The following SIGLEC9 variants were observed in gnomAD, a reference collection of about 807,000 sequenced individuals.
The protein encoded by SIGLEC9 is sialic acid binding Ig like lectin 9.
In SIGLEC9, 26 loss-of-function variants were observed where a neutral mutation model predicts 38.3. The ratio of observed to expected loss-of-function variants is 0.68; its 90% CI spans 0.50 to 0.94. SIGLEC9 has a LOEUF of 0.94. SIGLEC9 is among the 40% of genes least tolerant of loss of function. SIGLEC9 has a pLI of 0.00. For missense variants in SIGLEC9, 556 were observed against 585.7 expected, an observed-to-expected ratio of 0.95 and a Z score of 0.52; for synonymous variants, 236 against 248.0, an observed-to-expected ratio of 0.95 and a Z score of 0.45.
At position 51,128,435 on chromosome 19, in the gene SIGLEC9, A is replaced by G. The variant is rs2091992866; in HGVS notation, c.1128A>G (p.Lys376=). ...TCAGAGTGAGGTCCTGCAGGAAGAA[A>G]TCGGCAAGGCCAGCAGCGGGCGTGG... is the stretch of plus-strand genomic sequence containing the variant. ...IFVVVRSCRK[K]SARPAAGVGD... is the part of the protein sequence containing the mutation. The change falls in exon 6 of 7, where the codon AAA becomes AAG. Residue 376 remains lysine, a synonymous_variant. Transcript: ENST00000250360. The G allele has an allele frequency of 1.9e-6, 3 of 1,613,958 alleles. No individual in the cohort carries two copies. Among genetic ancestry groups the G allele is most frequent in the African/African-American group, 1.3e-5 (1 of 74,898 alleles).
intron 5 of SIGLEC9, 31 bp downstream of exon 5, chr19:51,128,070 G>T (rs770387881): frequency 6.4e-7 from 1 of 1,551,650 alleles, no homozygotes; most frequent in East Asian, 2.2e-5. Context: ...GGGAGGGAGG[G>T]AGAGCCCTGG....
At chr19:51,121,289 G>A (rs1429038410), upstream of SIGLEC9, among the ~76,000 whole-genome samples, 1 of 152,106 alleles carries the variant, frequency 6.6e-6, no homozygotes, top group East Asian at 1.9e-4. Flanking sequence ...TGGAGTAGCT[G>A]GGATTACAGG....
At chr19:51,131,932 A>C (rs2092017877), downstream of SIGLEC9, among the ~76,000 whole-genome samples, 2 of 151,952 alleles carry the variant, frequency 1.3e-5, no homozygotes, top group South Asian at 4.2e-4. Flanking sequence ...AAAAAAAAAA[A>C]ATCCTATGCT....
chr19:51,122,378 C>G (rs940118373), upstream of SIGLEC9, among the ~76,000 whole-genome samples: 10 of 152,044 alleles, frequency 6.6e-5, no homozygotes, highest in African/African-American at 2.2e-4. The surrounding 1 kb of genome is among the most constrained non-coding windows in gnomAD (Gnocchi z 4.1). Flanking sequence ...GTCAGGAGTT[C>G]AAGACCAGCC....
downstream of SIGLEC9, among the ~76,000 whole-genome samples, chr19:51,131,782 G>A (rs953782004): frequency 1.3e-5 from 2 of 151,824 alleles, no homozygotes; most frequent in Non-Finnish European, 2.9e-5. Flanking sequence ...CAGGCGAGGT[G>A]GCGTATGCCT....
intron 3 of SIGLEC9, 40 bp from the exon 4 acceptor site, chr19:51,126,990 A>C: frequency 6.3e-7 from 1 of 1,585,488 alleles, no homozygotes; most frequent in Non-Finnish European, 8.6e-7. Context: ...TTTTCTCCAG[A>C]TCTATGTATC....
chr19:51,130,820 C>T (rs2092011073), downstream of SIGLEC9, among the ~76,000 whole-genome samples: 1 of 152,234 alleles, frequency 6.6e-6, no homozygotes, highest in African/African-American at 2.4e-5. Flanking sequence ...TCCATCTTCA[C>T]CACTTAACCC....
chr19:51,128,243 C>T (rs1452368028), intron 5 of SIGLEC9, among the ~76,000 whole-genome samples, 171 bp from the exon 6 acceptor site: 4 of 152,142 alleles, frequency 2.6e-5, no homozygotes, highest in Non-Finnish European at 5.9e-5. Context: ...TACCCACTGT[C>T]CAGGAGAAGA....
intron 1 of SIGLEC9, 82 bp from the exon 2 acceptor site, chr19:51,125,515 G>T: frequency 1.3e-6 from 2 of 1,572,854 alleles, no homozygotes; most frequent in Non-Finnish European, 8.6e-7. Flanking sequence ...CTCAGGGCAG[G>T]AGCTGGACCA....
chr19:51,131,585 C>CA (rs1160571544), downstream of SIGLEC9, among the ~76,000 whole-genome samples: 3,667 of 147,222 alleles, frequency 0.025, 170 homozygotes, highest in African/African-American at 0.09. Context: ...GACTCCGTCT[C>CA]AAAAAAAATA....
intron 3 of SIGLEC9, among the ~76,000 whole-genome samples, chr19:51,126,680 T>C (rs1228386533): frequency 6.6e-6 from 1 of 152,222 alleles, no homozygotes; most frequent in Non-Finnish European, 1.5e-5. Flanking sequence ...ATGGATGGAC[T>C]CTGATTTTGT....
downstream of SIGLEC9, among the ~76,000 whole-genome samples, chr19:51,131,580 C>T (rs147021272): frequency 0.021 from 2,935 of 139,552 alleles, 101 homozygotes; most frequent in African/African-American, 0.077. Context: ...AGCGAGACTC[C>T]GTCTCAAAAA....
upstream of SIGLEC9, among the ~76,000 whole-genome samples, chr19:51,121,642 G>A (rs1055987576): frequency 7.0e-6 from 1 of 142,450 alleles, no homozygotes; most frequent in Non-Finnish European, 1.5e-5. Flanking sequence ...GCTGGAGTGC[G>A]GTGGCAGGAT....
At chr19:51,128,341 C>T in intron 5 of SIGLEC9, 73 bp from the exon 6 acceptor site, 9 of 1,526,058 alleles carry the variant, frequency 5.9e-6, no homozygotes, top group Non-Finnish European at 8.2e-6. Flanking sequence ...ATAGGAAACA[C>T]ATGGGGGTAC....
At chr19:51,126,926 C>A in intron 3 of SIGLEC9, 104 bp from the exon 4 acceptor site, 1 of 1,000,118 alleles carries the variant, frequency 1.0e-6, no homozygotes, top group Non-Finnish European at 1.5e-6. Flanking sequence ...TCCAGAACTT[C>A]AGTCTATGTC....
In SIGLEC9 at chr19:51,129,985, A is replaced by G; in HGVS notation, c.1298A>G (p.Tyr433Cys). The G allele has an allele frequency of 5.6e-6, 9 of 1,614,074 alleles. No individual in the cohort carries two copies. Among genetic ancestry groups the G allele is most frequent in the Non-Finnish European group, 7.6e-6 (9 of 1,179,984 alleles). The change falls in exon 7 of 7, where the codon TAT becomes TGT. Residue 433 changes from tyrosine (Y) to cysteine (C), a missense_variant. Transcript: ENST00000250360. Reference protein sequence around the residue: ...RSSVGEGELQYASLSFQMVKP... With the variant: ...RSSVGEGELQCASLSFQMVKP... ...TCAGTGGGGGAAGGAGAGCTCCAGT[A>G]TGCATCCCTCAGCTTCCAGATGGTG...
At position 51,125,296 on chromosome 19, in the gene SIGLEC9, G is replaced by A. The variant is rs2091969747; in HGVS notation, c.322G>A (p.Asp108Asn). The A allele has an allele frequency of 3.7e-6, 6 of 1,613,842 alleles. No homozygotes were observed. Among genetic ancestry groups the A allele is most frequent in the South Asian group, 3.3e-5 (3 of 91,088 alleles). ...CAAGAATTGCACCCTGAGCATCAGA[G>A]ATGCCAGAAGAAGTGATGCGGGGAG... The part of the protein sequence containing the change: ...HTKNCTLSIR[D>N]ARRSDAGRYF... Residue 108 changes from aspartate (D) to asparagine (N), a missense_variant, in exon 1 of 7, where the codon GAT becomes AAT. Coordinates refer to ENST00000250360, the MANE Select transcript of SIGLEC9 (RefSeq NM_014441.3).
chr19:51,128,369 C>A, intron 5 of SIGLEC9, 45 bp from the exon 6 acceptor site: 3 of 1,601,184 alleles, frequency 1.9e-6, no homozygotes, highest in Non-Finnish European at 2.6e-6. Flanking sequence ...GCCCACCGCA[C>A]CCCAATCTGA....
downstream of SIGLEC9, among the ~76,000 whole-genome samples, chr19:51,134,542 A>G (rs925582961): frequency 3.3e-5 from 5 of 152,294 alleles, no homozygotes; most frequent in South Asian, 1.0e-3. Context: ...AATAAAATCT[A>G]TGTATTTTAC....
Sources: gnomAD v4.1 joint callset for allele counts (sites outside exome capture counted in the v4.1 genomes callset) on GRCh38, gnomAD v4.1.1 for gene constraint, Gnocchi (gnomAD v3.1) non-coding constraint, MANE v1.5 for transcripts, NCBI Gene and HGNC (gene_info 2026-07-23, HGNC 2026-07-21) for gene names.